Variants in RELCH observed in about 807,000 individuals in gnomAD.
RELCH encodes RAB11 binding and LisH domain, coiled-coil and HEAT repeat containing.
A neutral mutation model predicts 150.3 loss-of-function variants in RELCH; 41 were observed. The observed-to-expected ratio is 0.27, with a 90% CI of 0.21 to 0.35. The LOEUF (loss-of-function observed/expected upper bound fraction) is 0.35, where lower values mean the gene tolerates loss of function less well. Ranked by LOEUF, RELCH falls within the 10% of genes least tolerant of loss-of-function variation. The pLI is 1.00. For synonymous variants in RELCH, 478 were observed against 531.8 expected, an observed-to-expected ratio of 0.90 and a Z score of 1.39; for missense variants, 1,092 against 1,467.8, an observed-to-expected ratio of 0.74 and a Z score of 4.18.
chr18:62,237,818 T>A (rs1213099073), intron 10 of RELCH, among the ~76,000 whole-genome samples: 1 of 151,772 alleles, frequency 6.6e-6, no homozygotes, highest in Non-Finnish European at 1.5e-5. Flanking sequence ...CCCACTGTTT[T>A]AAAGATAGTA....
chr18:62,204,174 A>G (rs888706466), intron 1 of RELCH, among the ~76,000 whole-genome samples: 2 of 152,054 alleles, frequency 1.3e-5, no homozygotes, highest in African/African-American at 2.4e-5. Flanking sequence ...ATGTACTTTT[A>G]TTTTATAATT....
chr18:62,280,317 A>G lies in RELCH; in HGVS notation c.3051-329A>G, dbSNP rs528019257. The G allele has an allele frequency of 7.0e-5, 108 of 1,538,110 alleles. 1 individual carries two copies. The South Asian group carries it at 1.2e-3, about 16-fold the overall frequency. On this transcript the variant is annotated intron_variant, in intron 23 of 28. Transcript: ENST00000644646. ...TCACAGCTAACCCAGTTCTTATTCC[A>G]GTTTACCAAACCATTTTTTATTGCA...
chr18:62,263,887 A>G, intron 16 of RELCH, 102 bp from the exon 17 acceptor site: 1 of 775,290 alleles, frequency 1.3e-6, no homozygotes, highest in South Asian at 2.0e-5. Context: ...TAAGAAAGTA[A>G]TTAAATATGA....
chr18:62,277,563 AAC>A, intron 22 of RELCH: 2 of 807,946 alleles, frequency 2.5e-6, no homozygotes, highest in Non-Finnish European at 3.0e-6. Context: ...ACATAAAAAA[AAC>A]ACATTCTTTT....
chr18:62,236,652 C>A (rs529375884), intron 10 of RELCH, among the ~76,000 whole-genome samples: 2 of 151,936 alleles, frequency 1.3e-5, no homozygotes, highest in Non-Finnish European at 2.9e-5. Flanking sequence ...TCTGTAACAT[C>A]GGTACTAACA....
intron 16 of RELCH, among the ~76,000 whole-genome samples, chr18:62,262,034 A>G (rs2043299185): frequency 6.6e-6 from 1 of 151,974 alleles, no homozygotes; most frequent in African/African-American, 2.4e-5. Context: ...TGCTTTCTTT[A>G]TATTTTCTTC....
intron 5 of RELCH, among the ~76,000 whole-genome samples, chr18:62,222,782 T>G (rs1467735736): frequency 6.6e-6 from 1 of 152,004 alleles, no homozygotes; most frequent in African/African-American, 2.4e-5. Context: ...CTCTTTAAAT[T>G]CAAATGGTTC....
At chr18:62,266,806 T>C in intron 19 of RELCH, 57 bp downstream of exon 19, 2 of 1,008,322 alleles carry the variant, frequency 2.0e-6, no homozygotes, top group East Asian at 2.5e-5. Context: ...GCAGGAAAAA[T>C]ACTATATTCT....
rs950205047 is a variant in RELCH at position 62,305,081 on chromosome 18, A to G, written c.3531-333A>G. ...ATACTGAGCACTTTACAGTTGTGTT[A>G]ATATAATCCTAATAACCCTAGGAGG... On this transcript the variant is annotated intron_variant, in intron 28 of 28. Transcript: ENST00000644646. The surrounding 1 kb of genome is among the most constrained non-coding windows in gnomAD (Gnocchi z 4.0). 6.6e-6 allele frequency among the ~76,000 whole-genome samples: 1 copy of G among 152,234 alleles called. No homozygotes were observed. Among genetic ancestry groups the G allele is most frequent in the Non-Finnish European group, 1.5e-5 (1 of 68,032 alleles).
chr18:62,199,472 G>A (rs976490891), intron 1 of RELCH, among the ~76,000 whole-genome samples: 1 of 152,130 alleles, frequency 6.6e-6, no homozygotes, highest in African/African-American at 2.4e-5. Context: ...ATTTATCTGT[G>A]TATCAACAGT....
intron 16 of RELCH, among the ~76,000 whole-genome samples, chr18:62,263,075 G>A (rs552124696): frequency 4.6e-5 from 7 of 152,078 alleles, no homozygotes; most frequent in African/African-American, 7.2e-5. Context: ...TAAGGACATC[G>A]GTTGTGTTGG....
At chr18:62,205,133 T>C (rs549382146) in intron 1 of RELCH, among the ~76,000 whole-genome samples, 6 of 152,344 alleles carry the variant, frequency 3.9e-5, no homozygotes, top group Admixed American at 3.3e-4. Context: ...TTTATGCTTT[T>C]CAAATTAAGT....
At chr18:62,229,765 G>T (rs1599936131) in intron 8 of RELCH, among the ~76,000 whole-genome samples, 1 of 152,032 alleles carries the variant, frequency 6.6e-6, no homozygotes, top group Non-Finnish European at 1.5e-5. Flanking sequence ...CAAGCAAAGA[G>T]GTAAAAGAAA....
At position 62,211,257 on chromosome 18, in the gene RELCH, A is replaced by T; in HGVS notation, c.616+15A>T. On this transcript the variant is annotated intron_variant, in intron 2 of 28. Transcript: ENST00000644646. ...AAAAGTGGCAGGTGAGTAAAATTGT[A>T]AGGACAGATTTGGATTCTTTGACAT... 1 of 1,483,064 alleles carries T rather than the reference A, an allele frequency of 6.7e-7. No individual in the cohort carries two copies. Among genetic ancestry groups the T allele is most frequent in the Non-Finnish European group, 9.4e-7 (1 of 1,064,364 alleles). The allele number at this position is 1,483,064 out of a possible 1,614,324, so 91.9% of individuals were successfully genotyped here.
chr18:62,189,265 T>C (rs1222061797), intron 1 of RELCH, among the ~76,000 whole-genome samples: 1 of 139,876 alleles, frequency 7.1e-6, no homozygotes, highest in Admixed American at 7.7e-5. Context: ...TTTTGTTTTT[T>C]TTTTTTGTTG....
At chr18:62,280,187 T>A (rs1215017002) in intron 23 of RELCH, 1 of 608,278 alleles carries the variant, frequency 1.6e-6, no homozygotes, top group Non-Finnish European at 2.9e-6. Context: ...ACTAACAGGT[T>A]GTTACCAGTA....
chr18:62,218,917 G>T (rs1486757909), intron 2 of RELCH, among the ~76,000 whole-genome samples: 1 of 151,908 alleles, frequency 6.6e-6, no homozygotes, highest in Non-Finnish European at 1.5e-5. Flanking sequence ...TAATAAAGAA[G>T]ATACATTCAT....
intron 2 of RELCH, among the ~76,000 whole-genome samples, chr18:62,217,766 C>A (rs2048558761): frequency 6.6e-6 from 1 of 151,816 alleles, no homozygotes; most frequent in Admixed American, 6.6e-5. Flanking sequence ...AAGAAAATGT[C>A]TAAGGATGAT....
intron 1 of RELCH, among the ~76,000 whole-genome samples, chr18:62,193,425 C>T (rs1599760918): frequency 6.6e-6 from 1 of 152,182 alleles, no homozygotes; most frequent in African/African-American, 2.4e-5. Context: ...GGAGAGAGGG[C>T]ATCCTTGTCT....
Sources: gnomAD v4.1 joint callset for allele counts (sites outside exome capture counted in the v4.1 genomes callset) on GRCh38, gnomAD v4.1.1 for gene constraint, Gnocchi (gnomAD v3.1) non-coding constraint, MANE v1.5 for transcripts, NCBI Gene and HGNC (gene_info 2026-07-23, HGNC 2026-07-21) for gene names.